Variants in UPRT observed in about 807,000 individuals in gnomAD.
UPRT encodes RP11-311P8.3.
Under a neutral mutation model 22.6 loss-of-function variants are expected in UPRT, and 5 were observed. The ratio of observed to expected loss-of-function variants is 0.22; its 90% CI spans 0.12 to 0.47. The LOEUF (loss-of-function observed/expected upper bound fraction) is 0.47, where lower values mean the gene tolerates loss of function less well. UPRT is among the 20% of genes least tolerant of loss of function. The pLI is 0.99. For missense variants in UPRT, 181 were observed against 239.9 expected (o/e 0.75, Z 1.62); for synonymous variants, 77 against 87.7 (o/e 0.88, Z 0.68).
intron 4 of UPRT, among the ~76,000 whole-genome samples, chrX:75,264,093 T>C (rs1288995245): frequency 8.9e-6 from 1 of 112,188 alleles, no homozygotes; most frequent in Admixed American, 9.5e-5. Context: ...CAGTTTGTTA[T>C]AAATTCTGTT....
intron 4 of UPRT, among the ~76,000 whole-genome samples, chrX:75,218,828 A>T (rs1430120451): frequency 4.6e-5 from 5 of 109,628 alleles, no homozygotes; most frequent in African/African-American, 1.7e-4. Flanking sequence ...GATAGGTGGG[A>T]ATTGAACAAT....
intron 6 of UPRT, among the ~76,000 whole-genome samples, chrX:75,302,266 A>G (rs186835238): frequency 1.5e-4 from 17 of 111,818 alleles, no homozygotes; most frequent in Non-Finnish European, 3.0e-4. Flanking sequence ...TATCATTTAT[A>G]TATATAAAAC....
Position 75,197,340 on chromosome X carries a change from T to G in UPRT, c.-447+29461T>G, listed in dbSNP as rs1481997153. ...AGCTCCAAGAATTATGAATTCACAG[T>G]TAAAAGTTACAAAACATTTAAATAC... is the stretch of plus-strand genomic sequence containing the variant. On this transcript the variant is annotated intron_variant, in intron 4 of 13. Transcript: ENST00000652605. 1.7e-4 allele frequency among the ~76,000 whole-genome samples: 19 copies of G among 111,568 alleles called. No homozygotes were observed. The Admixed American group carries it at 1.8e-3, about 11-fold the overall frequency.
chrX:75,204,824 A>G (rs1020737663), intron 4 of UPRT, among the ~76,000 whole-genome samples: 4 of 111,290 alleles, frequency 3.6e-5, no homozygotes, highest in Non-Finnish European at 7.5e-5. Context: ...AGTTGGAAGA[A>G]AGAGGGGAGT....
At chrX:75,186,262 C>T (rs1038569323) in intron 4 of UPRT, among the ~76,000 whole-genome samples, 72 of 111,338 alleles carry the variant, frequency 6.5e-4, no homozygotes, top group East Asian at 1.7e-3. Flanking sequence ...TTTATTTCTG[C>T]CGTCATTTCG....
chrX:75,187,550 C>T (rs747242807), intron 4 of UPRT, among the ~76,000 whole-genome samples: 1 of 111,197 alleles, frequency 9.0e-6, no homozygotes. Context: ...TCTGTATTTC[C>T]TGAATCTGAA....
At position 75,300,735 on chromosome X, in the gene UPRT, C is replaced by T. The variant is rs1444613076; in HGVS notation, c.725-132C>T. On this transcript the variant is annotated intron_variant, in intron 5 of 6. Coordinates refer to ENST00000373383, the MANE Select transcript of UPRT (RefSeq NM_145052.4). ...CTGGGAGGTCAAGGCTGCAGTGGGC[C>T]GAGATCATGCCACTGCACTCCAGCC... 7 of 463,856 alleles carry T rather than the reference C, an allele frequency of 1.5e-5. No homozygotes were observed. The Admixed American group carries it at 1.7e-4, about 11-fold the overall frequency. The allele number at this position is 463,856 out of a possible 1,213,427, so 38.2% of individuals were successfully genotyped here. A position where few individuals can be genotyped will look rare whatever the true frequency, so the allele number is the denominator to read the frequency against.
intron 4 of UPRT, among the ~76,000 whole-genome samples, chrX:75,174,302 G>A (rs2082239792): frequency 8.9e-6 from 1 of 112,003 alleles, no homozygotes; most frequent in Non-Finnish European, 1.9e-5. Flanking sequence ...TAGGCCAGGG[G>A]AAGTGCCAGT....
chrX:75,192,609 G>T (rs2082319411), intron 4 of UPRT, among the ~76,000 whole-genome samples: 1 of 111,556 alleles, frequency 9.0e-6, no homozygotes, highest in South Asian at 3.7e-4. Flanking sequence ...CTCTTTGTAG[G>T]TCTCTAAGAA....
chrX:75,218,269 CA>C (rs1466018021), intron 4 of UPRT, among the ~76,000 whole-genome samples: 2 of 110,790 alleles, frequency 1.8e-5, no homozygotes, highest in Non-Finnish European at 3.8e-5. Context: ...TTTATGCAGC[CA>C]AAAAACACAT....
At chrX:75,183,178 G>A (rs189043996) in intron 4 of UPRT, among the ~76,000 whole-genome samples, 2,240 of 108,988 alleles carry the variant, frequency 0.021, 27 homozygotes, top group Middle Eastern at 0.039. Context: ...CCCCCTCCCC[G>A]CACCCCACGA....
At chrX:75,249,031 G>A (rs1342118730) in intron 4 of UPRT, among the ~76,000 whole-genome samples, 1 of 111,270 alleles carries the variant, frequency 9.0e-6, no homozygotes, top group Admixed American at 9.6e-5. Flanking sequence ...TCACCACCAG[G>A]CCTGCCCTAA....
At chrX:75,173,311 C>T (rs912543726) in intron 4 of UPRT, among the ~76,000 whole-genome samples, 1 of 109,858 alleles carries the variant, frequency 9.1e-6, no homozygotes, top group Non-Finnish European at 1.9e-5. Flanking sequence ...CAAGGCCCCA[C>T]CAGAGCAGCT....
chrX:75,179,223 A>C lies in UPRT; in HGVS notation c.-447+11344A>C, dbSNP rs748716259. Among the ~76,000 whole-genome samples, 5 of 111,334 alleles carry C rather than the reference A, an allele frequency of 4.5e-5. No individual in the cohort carries two copies. In the East Asian group the frequency reaches 1.4e-3, roughly 32 times the overall value. Reference sequence around the variant, plus strand: ...CTAGACACAGAGTGTCGATTGGTGCACTCACAAACCTTGAGCTAAACACAG... The same window carrying C: ...CTAGACACAGAGTGTCGATTGGTGCCCTCACAAACCTTGAGCTAAACACAG... On this transcript the variant is annotated intron_variant, in intron 4 of 13. Transcript: ENST00000652605.
chrX:75,294,479 G>A, intron 2 of UPRT: 1 of 732,159 alleles, frequency 1.4e-6, no homozygotes, highest in Middle Eastern at 3.8e-4. Context: ...GAATGAACAG[G>A]GCTTCTTAGC....
intron 1 of UPRT, among the ~76,000 whole-genome samples, chrX:75,293,204 G>T (rs1042402839): frequency 1.8e-5 from 2 of 111,039 alleles, no homozygotes; most frequent in Non-Finnish European, 3.8e-5. Context: ...TGACTAATAT[G>T]TACTTGGGCA....
intron 4 of UPRT, among the ~76,000 whole-genome samples, chrX:75,177,412 T>A (rs12007485): frequency 0.028 from 3,172 of 111,462 alleles, 115 homozygotes; most frequent in African/African-American, 0.099. Flanking sequence ...CCTGCACCCT[T>A]GCCTGTCCTC....
At chrX:75,246,190 G>A (rs974537068) in intron 4 of UPRT, among the ~76,000 whole-genome samples, 7 of 108,068 alleles carry the variant, frequency 6.5e-5, no homozygotes, top group African/African-American at 2.0e-4. Flanking sequence ...GTGCCATGTT[G>A]GTGTGCTGCA....
chrX:75,261,246 C>G (rs1462888261), intron 4 of UPRT, among the ~76,000 whole-genome samples: 24 of 111,146 alleles, frequency 2.2e-4, no homozygotes, highest in Non-Finnish European at 3.8e-5. Flanking sequence ...CAAGAAATAA[C>G]TAAGATCAGA....
Sources: gnomAD v4.1 joint callset for allele counts (sites outside exome capture counted in the v4.1 genomes callset) on GRCh38, gnomAD v4.1.1 for gene constraint, MANE v1.5 for transcripts, NCBI Gene and HGNC (gene_info 2026-07-23, HGNC 2026-07-21) for gene names.